The following EPHA6 variants were observed in gnomAD, a reference collection of about 807,000 sequenced individuals.
EPHA6 encodes EPH receptor A6.
Under a neutral mutation model 112.0 loss-of-function variants are expected in EPHA6, and 50 were observed. The observed-to-expected ratio is 0.45, with a 90% CI of 0.36 to 0.56. The LOEUF (loss-of-function observed/expected upper bound fraction) is 0.56. Ranked by LOEUF, EPHA6 falls within the 20% of genes least tolerant of loss-of-function variation. The pLI, the probability that EPHA6 is intolerant of heterozygous loss-of-function variation, is 0.00. For missense variants in EPHA6, 1,280 were observed against 1,417.4 expected (o/e 0.90, Z 1.56); for synonymous variants, 529 against 490.7 (o/e 1.08, Z -1.03).
intron 5 of EPHA6, among the ~76,000 whole-genome samples, chr3:97,389,213 T>C (rs1057423588): frequency 2.0e-5 from 3 of 152,200 alleles, no homozygotes; most frequent in Non-Finnish European, 2.9e-5. Flanking sequence ...GATATAATTC[T>C]AAAATTATTA....
At chr3:96,989,194 C>G (rs1331836048) in intron 3 of EPHA6, among the ~76,000 whole-genome samples, 1 of 152,030 alleles carries the variant, frequency 6.6e-6, no homozygotes, top group Non-Finnish European at 1.5e-5. Context: ...ATATAATGGT[C>G]ATGGATAATA....
intron 2 of EPHA6, among the ~76,000 whole-genome samples, chr3:96,881,270 A>T (rs956747718): frequency 6.6e-6 from 1 of 152,188 alleles, no homozygotes; most frequent in Admixed American, 6.5e-5. Context: ...GCTGTTAAAG[A>T]CATACCCAAG....
intron 14 of EPHA6, among the ~76,000 whole-genome samples, chr3:97,650,412 GC>G (rs1415551241): frequency 6.6e-6 from 1 of 152,020 alleles, no homozygotes; most frequent in Non-Finnish European, 1.5e-5. Flanking sequence ...TTCCTGAAAA[GC>G]CCTCATCTAT....
intron 3 of EPHA6, among the ~76,000 whole-genome samples, chr3:97,037,368 G>A (rs1250621361): frequency 2.6e-5 from 4 of 152,008 alleles, no homozygotes; most frequent in African/African-American, 9.7e-5. Context: ...TTAAGTAGAT[G>A]GCGGTTTGAC....
chr3:97,292,524 G>A (rs962140537), intron 5 of EPHA6, among the ~76,000 whole-genome samples: 2 of 152,346 alleles, frequency 1.3e-5, no homozygotes, highest in East Asian at 3.9e-4. Flanking sequence ...CAAGCAGGTC[G>A]TCCTGACGAC....
At chr3:97,328,349 T>A (rs1264069943) in intron 5 of EPHA6, among the ~76,000 whole-genome samples, 1 of 151,970 alleles carries the variant, frequency 6.6e-6, no homozygotes, top group African/African-American at 2.4e-5. Context: ...TTTTGCTGCA[T>A]CCTTGCCAGA....
In EPHA6 at chr3:96,898,533, A is replaced by G. The variant is rs2038409409; in HGVS notation, c.450+31644A>G. Among the ~76,000 whole-genome samples, 7 of 152,324 alleles carry G rather than the reference A, an allele frequency of 4.6e-5. No homozygotes were observed. The South Asian group carries it at 1.4e-3, about 32-fold the overall frequency. On this transcript the variant is annotated intron_variant, in intron 2 of 17. Transcript: ENST00000389672. Reference sequence around the variant, plus strand: ...TTTTATTCTCAGTGCTTACCCATTCATAAATTACTTAAATAATATATATGA... The same window carrying G: ...TTTTATTCTCAGTGCTTACCCATTCGTAAATTACTTAAATAATATATATGA...
At chr3:97,388,633 C>T (rs950898746) in intron 5 of EPHA6, among the ~76,000 whole-genome samples, 1 of 152,134 alleles carries the variant, frequency 6.6e-6, no homozygotes, top group Non-Finnish European at 1.5e-5. Context: ...GACTTCTTCT[C>T]TTTGGTAATG....
At chr3:97,451,361 C>A (rs1045534736) in intron 7 of EPHA6, among the ~76,000 whole-genome samples, 8 of 151,708 alleles carry the variant, frequency 5.3e-5, no homozygotes. Context: ...ATTGGGGGTG[C>A]AAGTTTAGAA....
At position 97,217,908 on chromosome 3, in the gene EPHA6, T is replaced by C. The variant is rs560250328; in HGVS notation, c.1115-8356T>C. ...TCATATTTTTTTCTGTGAAAAGCCA[T>C]AGAGTATGTACTTTAGACTTTGAAG... On this transcript the variant is annotated intron_variant, in intron 3 of 17. Coordinates refer to ENST00000389672, the MANE Select transcript of EPHA6 (RefSeq NM_001080448.3). Among the ~76,000 whole-genome samples, 56 of 152,340 alleles carry C rather than the reference T, an allele frequency of 3.7e-4. No individual in the cohort carries two copies. In the Middle Eastern group the frequency reaches 0.01, roughly 28 times the overall value.
chr3:97,498,080 A>C (rs184065063), intron 10 of EPHA6, among the ~76,000 whole-genome samples: 46 of 152,300 alleles, frequency 3.0e-4, no homozygotes, highest in African/African-American at 1.1e-3. Flanking sequence ...ATGTGGAAGA[A>C]TCAAGTGTTT....
chr3:96,980,865 G>T (rs1277953727), intron 2 of EPHA6, among the ~76,000 whole-genome samples: 1 of 152,166 alleles, frequency 6.6e-6, no homozygotes, highest in African/African-American at 2.4e-5. Flanking sequence ...TGTTATTGGT[G>T]TATAAGAATG....
intron 14 of EPHA6, among the ~76,000 whole-genome samples, chr3:97,679,941 T>TTA (rs1427264492): frequency 6.6e-6 from 1 of 152,198 alleles, no homozygotes; most frequent in Non-Finnish European, 1.5e-5. Context: ...CATGGGCAAT[T>TTA]TATTTTCAGT....
At chr3:97,684,265 CATAAG>C (rs1348871603) in intron 14 of EPHA6, among the ~76,000 whole-genome samples, 16 of 151,954 alleles carry the variant, frequency 1.1e-4, no homozygotes, top group African/African-American at 3.9e-4. Context: ...AATAAATAAT[CATAAG>C]AAAAGAAGCA....
chr3:97,276,522 G>T (rs2080086812), intron 5 of EPHA6, among the ~76,000 whole-genome samples: 1 of 152,176 alleles, frequency 6.6e-6, no homozygotes, highest in African/African-American at 2.4e-5. Context: ...TTGTGTGCTG[G>T]AGATGTGGCT....
At chr3:97,715,233 G>A (rs1005877026) in intron 14 of EPHA6, among the ~76,000 whole-genome samples, 1 of 152,144 alleles carries the variant, frequency 6.6e-6, no homozygotes, top group East Asian at 1.9e-4. Flanking sequence ...GTGGGCAAAT[G>A]TCAAAACTCA....
chr3:96,822,542 G>C (rs140721362), intron 1 of EPHA6, among the ~76,000 whole-genome samples: 2,346 of 151,746 alleles, frequency 0.015, 24 homozygotes, highest in Non-Finnish European at 0.022. Context: ...TGTAAAAGAC[G>C]TACTTTTTGA....
At chr3:97,739,228 G>T (rs901561009) in intron 16 of EPHA6, among the ~76,000 whole-genome samples, 2 of 152,006 alleles carry the variant, frequency 1.3e-5, no homozygotes, top group Non-Finnish European at 2.9e-5. Context: ...AGGAGTCCAG[G>T]TGTATAATCC....
chr3:97,577,994 T>G (rs766322886), intron 11 of EPHA6, among the ~76,000 whole-genome samples: 3 of 152,050 alleles, frequency 2.0e-5, no homozygotes, highest in Non-Finnish European at 2.9e-5. Context: ...ATTGCCCAGA[T>G]AGAGTAAGAA....
Sources: allele counts gnomAD v4.1 joint callset (sites outside exome capture counted in the v4.1 genomes callset), GRCh38; gene constraint gnomAD v4.1.1; transcripts MANE v1.5; gene names NCBI Gene and HGNC (gene_info 2026-07-23, HGNC 2026-07-21).